The following ACOXL variants were observed in gnomAD, a reference collection of about 807,000 sequenced individuals.
ACOXL encodes the protein acyl-coenzyme A oxidase-like protein.
A neutral mutation model predicts 71.9 loss-of-function variants in ACOXL; 70 were observed. The ratio of observed to expected loss-of-function variants is 0.97; its 90% CI spans 0.80 to 1.19. The LOEUF is 1.19. Among genes scored for constraint, ACOXL ranks in the 50% most tolerant of loss-of-function variants. The pLI is 0.00. For synonymous variants in ACOXL, 253 were observed against 281.6 expected (o/e 0.90, Z 1.02); for missense variants, 703 against 736.3 (o/e 0.95, Z 0.52).
chr2:110,915,619 GT>G (rs1432642360), intron 11 of ACOXL, among the ~76,000 whole-genome samples: 1 of 151,146 alleles, frequency 6.6e-6, no homozygotes, highest in East Asian at 1.9e-4. Context: ...GTAGAGATGG[GT>G]TTTCACCATG....
rs923364962 is a variant in ACOXL, at chr2:110,799,000, G to A, written c.461-14G>A. The A allele has an allele frequency of 1.2e-5, 19 of 1,612,770 alleles. No individual in the cohort carries two copies. Among genetic ancestry groups the A allele is most frequent in the Admixed American group, 1.7e-5 (1 of 59,974 alleles). On this transcript the variant is annotated splice_polypyrimidine_tract_variant and intron_variant, in intron 6 of 17. Coordinates refer to ENST00000439055, the MANE Select transcript of ACOXL (RefSeq NM_001142807.4). ...GGAAGGAGAGCTTAATAATGATCTC[G>A]ATGCCTTCCTTAGGGCCCCACTGTT... is the stretch of plus-strand genomic sequence containing the variant.
At chr2:110,769,809 G>A (rs541642590) in intron 2 of ACOXL, among the ~76,000 whole-genome samples, 2 of 152,146 alleles carry the variant, frequency 1.3e-5, no homozygotes, top group East Asian at 3.9e-4. Flanking sequence ...ACTCCAGCCT[G>A]GGCAACAAAG....
intron 9 of ACOXL, among the ~76,000 whole-genome samples, chr2:110,819,675 A>G (rs1478174516): frequency 1.3e-5 from 2 of 152,218 alleles, no homozygotes; most frequent in East Asian, 1.9e-4. Flanking sequence ...TTTTTGAACA[A>G]TCCTCATTTG....
intron 9 of ACOXL, among the ~76,000 whole-genome samples, chr2:110,822,626 A>T (rs941141809): frequency 6.6e-5 from 10 of 152,156 alleles, no homozygotes; most frequent in Non-Finnish European, 1.5e-4. Context: ...CTTTTATCAC[A>T]GTCTACATTC....
At position 111,031,727 on chromosome 2, in the gene ACOXL, C is replaced by T. The variant is rs2065279412; in HGVS notation, c.1369+13C>T. ...CACACTCACCGAGGTCAGTTGGCTC[C>T]TGTTGAATATTTGTAATTGAGTGAC... On this transcript the variant is annotated intron_variant, in intron 15 of 17. Transcript: ENST00000439055. 1 of 1,613,784 alleles carries T rather than the reference C, an allele frequency of 6.2e-7. No homozygotes were observed. Among genetic ancestry groups the T allele is most frequent in the Non-Finnish European group, 8.5e-7 (1 of 1,179,736 alleles).
intron 10 of ACOXL, among the ~76,000 whole-genome samples, chr2:110,850,813 C>T (rs75277896): frequency 0.015 from 2,230 of 152,228 alleles, 53 homozygotes; most frequent in African/African-American, 0.052. Flanking sequence ...ATTACACTCC[C>T]GGATACTTAA....
intron 10 of ACOXL, among the ~76,000 whole-genome samples, chr2:110,907,849 A>G (rs2059512089): frequency 6.6e-6 from 1 of 152,242 alleles, no homozygotes; most frequent in Admixed American, 6.5e-5. Context: ...TATCAAATAT[A>G]AGATTTTTAA....
chr2:110,739,219 G>A (rs922284610), intron 1 of ACOXL, among the ~76,000 whole-genome samples: 6 of 152,124 alleles, frequency 3.9e-5, no homozygotes, highest in African/African-American at 7.2e-5. Context: ...TGTTGGGCCC[G>A]GGCTTTCTTG....
chr2:111,102,464 A>T (rs1172937286), intron 17 of ACOXL, among the ~76,000 whole-genome samples: 1 of 152,178 alleles, frequency 6.6e-6, no homozygotes, highest in African/African-American at 2.4e-5. Context: ...TGTTTTGCTG[A>T]GCTCCAGCCT....
chr2:110,834,188 A>G (rs936546201), intron 9 of ACOXL, among the ~76,000 whole-genome samples: 4 of 152,176 alleles, frequency 2.6e-5, no homozygotes, highest in African/African-American at 9.7e-5. Flanking sequence ...TTAATAATCA[A>G]TAGTGGTATT....
At chr2:111,110,455 C>G (rs929755773) in intron 17 of ACOXL, among the ~76,000 whole-genome samples, 1 of 152,230 alleles carries the variant, frequency 6.6e-6, no homozygotes, top group African/African-American at 2.4e-5. Flanking sequence ...CAAATTTCCT[C>G]TGCTTTTCAG....
At position 110,813,852 on chromosome 2, in the gene ACOXL, C is replaced by G. The variant is rs1687619085; in HGVS notation, c.753+8457C>G. ...CACATATAATTGTTTATTTCATCAC[C>G]AGAGCAACCCTGTGAGCTGAGTGCT... On this transcript the variant is annotated intron_variant, in intron 9 of 17. Coordinates refer to ENST00000439055, the MANE Select transcript of ACOXL (RefSeq NM_001142807.4). Among the ~76,000 whole-genome samples, 3 of 152,298 alleles carry G rather than the reference C, an allele frequency of 2.0e-5. No homozygotes were observed. In the South Asian group the frequency reaches 6.2e-4, roughly 32 times the overall value.
intron 9 of ACOXL, among the ~76,000 whole-genome samples, chr2:110,828,750 G>T (rs2670632): frequency 0.34 from 51,581 of 152,022 alleles, 9,002 homozygotes; most frequent in Admixed American, 0.41. Context: ...GTGGTGGGCT[G>T]GGGGGTGGAA....
intron 11 of ACOXL, among the ~76,000 whole-genome samples, chr2:110,912,939 A>G (rs1373239906): frequency 1.3e-5 from 2 of 152,182 alleles, no homozygotes; most frequent in East Asian, 3.8e-4. Context: ...CCAATTGAAA[A>G]ATGGGCAAAG....
chr2:111,031,611 T>C lies in ACOXL; in HGVS notation c.1282-16T>C. ...CAATATCCTCAATGGTGATTTTTCT[T>C]CTGTCGATTGGACAGGTAAAGACCA... On this transcript the variant is annotated splice_polypyrimidine_tract_variant and intron_variant, in intron 14 of 17. Transcript: ENST00000439055. The C allele has an allele frequency of 6.2e-7, 1 of 1,612,724 alleles. No homozygotes were observed. The highest frequency in any genetic ancestry group is 1.7e-4 in the Middle Eastern group (1 of 6,058).
At chr2:110,883,870 A>G (rs1696981417) in intron 10 of ACOXL, among the ~76,000 whole-genome samples, 1 of 152,244 alleles carries the variant, frequency 6.6e-6, no homozygotes, top group Non-Finnish European at 1.5e-5. Context: ...AAGTATGTAT[A>G]TTAAAGAATT....
At chr2:110,872,711 A>G (rs1695426391) in intron 10 of ACOXL, among the ~76,000 whole-genome samples, 1 of 152,180 alleles carries the variant, frequency 6.6e-6, no homozygotes, top group East Asian at 1.9e-4. Flanking sequence ...ATTAAGGTCT[A>G]GTTGGAGGCC....
At chr2:110,756,266 A>T (rs902096663) in intron 1 of ACOXL, among the ~76,000 whole-genome samples, 1 of 152,094 alleles carries the variant, frequency 6.6e-6, no homozygotes, top group African/African-American at 2.4e-5. Context: ...AGCTGGGATT[A>T]CAGGTGCCCG....
At chr2:111,096,319 C>T (rs2068798906) in intron 17 of ACOXL, among the ~76,000 whole-genome samples, 1 of 151,700 alleles carries the variant, frequency 6.6e-6, no homozygotes, top group Admixed American at 6.6e-5. Flanking sequence ...TCACTTCAAC[C>T]TCTGCCTCCC....
Sources: gnomAD v4.1 joint callset for allele counts (sites outside exome capture counted in the v4.1 genomes callset) on GRCh38, gnomAD v4.1.1 for gene constraint, MANE v1.5 for transcripts, NCBI Gene and HGNC (gene_info 2026-07-23, HGNC 2026-07-21) for gene names.